Variants in C2orf76 observed in about 807,000 individuals in gnomAD.
The protein encoded by C2orf76 is chromosome 2 open reading frame 76.
A neutral mutation model predicts 16.9 loss-of-function variants in C2orf76; 23 were observed. The ratio of observed to expected loss-of-function variants is 1.36; its 90% confidence interval spans 0.98 to 1.93. C2orf76 has a LOEUF of 1.93. Ranked by LOEUF, C2orf76 falls within the 30% of genes most tolerant of loss-of-function variation. The pLI is 0.00. For synonymous variants in C2orf76, 48 were observed against 52.3 expected (o/e 0.92, Z 0.35); for missense variants, 152 against 152.6 (o/e 1.00, Z 0.02).
chr2:119,363,852 C>A (rs1680831454), intron 1 of C2orf76, among the ~76,000 whole-genome samples: 1 of 151,910 alleles, frequency 6.6e-6, no homozygotes, highest in African/African-American at 2.4e-5. Context: ...ATGGCAAAAA[C>A]CCATCTCTAC....
intron 1 of C2orf76, among the ~76,000 whole-genome samples, chr2:119,353,041 G>A (rs975872393): frequency 1.3e-5 from 2 of 152,166 alleles, no homozygotes; most frequent in African/African-American, 2.4e-5. Context: ...AAAGGAGAAA[G>A]AGCAGGAAAT....
chr2:119,327,969 G>A (rs1679562707), intron 2 of C2orf76, among the ~76,000 whole-genome samples: 1 of 152,018 alleles, frequency 6.6e-6, no homozygotes, highest in East Asian at 1.9e-4. Flanking sequence ...ACTTTTTCTG[G>A]TTTGGTATCA....
At chr2:119,289,389 G>A in the C2orf76 span, among the ~76,000 whole-genome samples, 1 of 152,004 alleles carries the variant, frequency 6.6e-6, no homozygotes, top group African/African-American at 2.4e-5. Context: ...TGTGGTGTCT[G>A]CATTAAAGCG....
chr2:119,337,341 G>T (rs1164507278), intron 2 of C2orf76, among the ~76,000 whole-genome samples: 2 of 151,962 alleles, frequency 1.3e-5, no homozygotes, highest in Non-Finnish European at 2.9e-5. Context: ...AAATTGCTGG[G>T]ATTACAGATG....
At chr2:119,281,140 T>G in the C2orf76 span, among the ~76,000 whole-genome samples, 1 of 152,166 alleles carries the variant, frequency 6.6e-6, no homozygotes, top group East Asian at 1.9e-4. Context: ...TTAATTTTAT[T>G]TTTAGCTTTT....
chr2:119,330,224 A>G (rs991214224), intron 2 of C2orf76, among the ~76,000 whole-genome samples: 1 of 152,068 alleles, frequency 6.6e-6, no homozygotes, highest in Non-Finnish European at 1.5e-5. Flanking sequence ...AAATACGAAA[A>G]AAATTAGCTG....
At chr2:119,316,681 G>A (rs1679183207) in intron 4 of C2orf76, among the ~76,000 whole-genome samples, 1 of 151,996 alleles carries the variant, frequency 6.6e-6, no homozygotes, top group Non-Finnish European at 1.5e-5. Flanking sequence ...AAATTGTTAT[G>A]GAAAAACTCC....
intron 1 of C2orf76, among the ~76,000 whole-genome samples, chr2:119,355,353 T>C (rs1005033214): frequency 6.6e-6 from 1 of 152,354 alleles, no homozygotes; most frequent in East Asian, 1.9e-4. Flanking sequence ...CAAGGATATG[T>C]ACATAGCGAA....
At chr2:119,311,783 T>C in intron 4 of C2orf76, 80 bp from the exon 5 acceptor site, 2 of 1,285,804 alleles carry the variant, frequency 1.6e-6, no homozygotes, top group Non-Finnish European at 2.1e-6. Context: ...GACACAGAGT[T>C]GTAACTCTGA....
At chr2:119,282,108 T>C in the C2orf76 span, among the ~76,000 whole-genome samples, 1 of 151,488 alleles carries the variant, frequency 6.6e-6, no homozygotes, top group Non-Finnish European at 1.5e-5. Context: ...ATCATGCCAT[T>C]GCACTCCAGC....
chr2:119,284,066 A>G, the C2orf76 span, among the ~76,000 whole-genome samples: 3 of 152,150 alleles, frequency 2.0e-5, no homozygotes, highest in Admixed American at 6.5e-5. Context: ...GGTTTTAGAC[A>G]TCAGGCTTAC....
chr2:119,315,589 G>GTT (rs1558779655), intron 4 of C2orf76, among the ~76,000 whole-genome samples: 3 of 152,168 alleles, frequency 2.0e-5, no homozygotes. Flanking sequence ...TTTTAAAACC[G>GTT]TATCTGTGAA....
intron 2 of C2orf76, among the ~76,000 whole-genome samples, chr2:119,335,656 T>C (rs1230254254): frequency 6.6e-6 from 1 of 152,174 alleles, no homozygotes; most frequent in Non-Finnish European, 1.5e-5. Context: ...AAAAGTACCA[T>C]TTGAAAAGGG....
upstream of C2orf76, chr2:119,366,915 C>A: frequency 2.6e-6 from 3 of 1,149,702 alleles, no homozygotes; most frequent in African/African-American, 1.5e-5. Context: ...TTCTGATTGG[C>A]TTTCCGGTGC....
chr2:119,329,187 G>A (rs949849880), intron 2 of C2orf76, among the ~76,000 whole-genome samples: 1 of 152,060 alleles, frequency 6.6e-6, no homozygotes. Flanking sequence ...AGTTCTATGA[G>A]TTTTTACTTC....
intron 5 of C2orf76, among the ~76,000 whole-genome samples, chr2:119,307,202 G>A (rs553436615): frequency 6.6e-6 from 1 of 152,236 alleles, no homozygotes; most frequent in East Asian, 1.9e-4. Flanking sequence ...CACTTTGGGA[G>A]GCTGAGGTGG....
intron 4 of C2orf76, among the ~76,000 whole-genome samples, chr2:119,316,125 G>A (rs868196037): frequency 6.6e-6 from 1 of 152,148 alleles, no homozygotes; most frequent in African/African-American, 2.4e-5. Flanking sequence ...TATTTTAGAT[G>A]TATATAATAC....
intron 1 of C2orf76, among the ~76,000 whole-genome samples, chr2:119,357,802 T>G (rs1212432254): frequency 6.6e-6 from 1 of 152,100 alleles, no homozygotes; most frequent in Non-Finnish European, 1.5e-5. Flanking sequence ...TGTCCCTATT[T>G]GCAGATAACA....
chr2:119,302,627 T>C, intron 5 of C2orf76, 79 bp from the exon 6 acceptor site: 2 of 818,356 alleles, frequency 2.4e-6, no homozygotes, highest in Non-Finnish European at 3.6e-6. Context: ...CCATATGACT[T>C]TGATTCGGTA....
Sources: allele counts gnomAD v4.1 joint callset (sites outside exome capture counted in the v4.1 genomes callset), GRCh38; gene constraint gnomAD v4.1.1; transcripts MANE v1.5; gene names NCBI Gene and HGNC (gene_info 2026-07-23, HGNC 2026-07-21).